Variants in MYPN observed in about 807,000 individuals in gnomAD.
MYPN encodes the protein myopalladin.
In MYPN, 63 loss-of-function variants were observed where a neutral mutation model predicts 129.4. The observed-to-expected ratio is 0.49, with a 90% CI of 0.40 to 0.60. The LOEUF (loss-of-function observed/expected upper bound fraction) is 0.60. Ranked by LOEUF, MYPN falls within the 20% of genes least tolerant of loss-of-function variation. MYPN has a pLI of 0.00. For synonymous variants in MYPN, 629 were observed against 600.9 expected (o/e 1.05, Z -0.68); for missense variants, 1,596 against 1,635.4 (o/e 0.98, Z 0.42).
chr10:68,174,507 C>A lies in MYPN; in HGVS notation c.2415C>A (p.Asn805Lys). The A allele has an allele frequency of 6.2e-7, 1 of 1,614,128 alleles. No homozygotes were observed. Among genetic ancestry groups the A allele is most frequent in the Non-Finnish European group, 8.5e-7 (1 of 1,179,996 alleles). The change falls in exon 11 of 20, where the codon AAC (asparagine) becomes AAA (lysine). Residue 805 changes from asparagine (N) to lysine (K), a missense_variant. Coordinates refer to ENST00000358913, the MANE Select transcript of MYPN (RefSeq NM_032578.4). ...TCACATTTTCCATCCCCAGCGGAAA[C>A]CAGTTTCAGCCCCGCTGTGTGTCCC... ...PPFTFSIPSG[N>K]QFQPRCVSPI...
chr10:68,201,610 A>T lies in MYPN; in HGVS notation c.3494-219A>T, dbSNP rs2490935. Among the ~76,000 whole-genome samples the T allele has an allele frequency of 1, 152,010 of 152,014 alleles. 76,003 individuals carry two copies. The highest frequency in any genetic ancestry group is 1 in the Middle Eastern group (294 of 294). ...GACGAAACCCCTATCTCTCCTAAAA[A>T]TACAAAAATTAGCCAGGCTTGGCGG... is the stretch of plus-strand genomic sequence containing the variant. On this transcript the variant is annotated intron_variant, in intron 17 of 19. Coordinates refer to ENST00000358913, the MANE Select transcript of MYPN (RefSeq NM_032578.4).
At chr10:68,205,066 G>T (rs1193823468) in intron 18 of MYPN, among the ~76,000 whole-genome samples, 1 of 152,128 alleles carries the variant, frequency 6.6e-6, no homozygotes, top group Non-Finnish European at 1.5e-5. Flanking sequence ...TCCCACCCTT[G>T]AATTGGCTAC....
Position 68,194,528 on chromosome 10 carries a change from T to C in MYPN, c.3075+16T>C. On this transcript the variant is annotated intron_variant, in intron 14 of 19. Coordinates refer to ENST00000358913, the MANE Select transcript of MYPN (RefSeq NM_032578.4). Reference sequence around the variant, plus strand: ...CAACCCCCAGGTGGAGACGCAGGGTTCTGCGCTGTGCTGCACTCTGAGGAA... The same window carrying C: ...CAACCCCCAGGTGGAGACGCAGGGTCCTGCGCTGTGCTGCACTCTGAGGAA... 6.2e-7 allele frequency: 1 copy of C among 1,612,990 alleles called. No individual in the cohort carries two copies. The highest frequency in any genetic ancestry group is 8.5e-7 in the Non-Finnish European group (1 of 1,179,474).
In MYPN at chr10:68,197,455, C is replaced by A. The variant is rs372824930; in HGVS notation, c.3262C>A (p.Arg1088Ser). ...APGDMVAHEG[R>S]LCRLDCKVSG... is the part of the protein sequence containing the mutation. ...TGGGGATATGGTAGCTCATGAGGGG[C>A]GCCTCTGTCGGCTGGACTGTAAGGT... Residue 1088 changes from arginine (R) to serine (S), a missense_variant, in exon 16 of 20, where the codon CGC (arginine) becomes AGC (serine). Coordinates refer to ENST00000358913, the MANE Select transcript of MYPN (RefSeq NM_032578.4). 1 of 1,613,854 alleles carries A rather than the reference C, an allele frequency of 6.2e-7. No homozygotes were observed. The highest frequency in any genetic ancestry group is 8.5e-7 in the Non-Finnish European group (1 of 1,179,876).
intron 2 of MYPN, chr10:68,136,388 T>C (rs750333487): frequency 9.2e-5 from 80 of 868,744 alleles, no homozygotes; most frequent in Admixed American, 2.8e-4. Flanking sequence ...GGATTTGGCG[T>C]TCTAAAAACA....
Position 68,122,255 on chromosome 10 carries a change from C to G in MYPN, c.817C>G (p.Gln273Glu), listed in dbSNP as rs773848180. ...EPLGQPPRFT[Q>E]KLRSREVPEG... ...TCTGGGGCAACCTCCCCGGTTCACT[C>G]AAAAGTTACGGAGCAGAGAAGTTCC... Residue 273 changes from glutamine to glutamate, a missense_variant, in exon 2 of 20, where the codon CAA becomes GAA. Transcript: ENST00000358913. The G allele has an allele frequency of 1.2e-6, 2 of 1,613,606 alleles. No individual in the cohort carries two copies. Among genetic ancestry groups the G allele is most frequent in the Non-Finnish European group, 1.7e-6 (2 of 1,179,792 alleles).
At position 68,194,409 on chromosome 10, in the gene MYPN, A is replaced by G. The variant is rs181021602; in HGVS notation, c.2972A>G (p.His991Arg). ...AAGCAGATTTCTAAGAGAAATGAGC[A>G]CTGCAAAATGAGGCGAGAAGGAGAT... The part of the protein sequence containing the change: ...DGKQISKRNE[H>R]CKMRREGDGT... The change falls in exon 14 of 20, where the codon CAC becomes CGC. Residue 991 changes from histidine to arginine, a missense_variant. By Grantham distance (29) the His-to-Arg change is conservative. Transcript: ENST00000358913. 17 of 1,613,812 alleles carry G rather than the reference A, an allele frequency of 1.1e-5. No homozygotes were observed. The highest frequency in any genetic ancestry group is 5.3e-5 in the African/African-American group (4 of 74,926).
At chr10:68,202,136 T>A in intron 18 of MYPN, 142 bp downstream of exon 18, 2 of 1,103,486 alleles carry the variant, frequency 1.8e-6, no homozygotes, top group Non-Finnish European at 2.7e-6. Flanking sequence ...TTGTGTGTAT[T>A]AAGAATGTAT....
chr10:68,141,056 G>A (rs1164614630), intron 2 of MYPN, among the ~76,000 whole-genome samples: 1 of 151,532 alleles, frequency 6.6e-6, no homozygotes, highest in Non-Finnish European at 1.5e-5. Flanking sequence ...GCAACAGAGT[G>A]AGACCCTTCC....
chr10:68,174,661 G>A lies in MYPN; in HGVS notation c.2564+5G>A, dbSNP rs1179912940. On this transcript the variant is annotated splice_donor_5th_base_variant and intron_variant, in intron 11 of 19. Coordinates refer to ENST00000358913, the MANE Select transcript of MYPN (RefSeq NM_032578.4). ...GCCTAGAAGTGCACCATCCATGTAA[G>A]TGTCATTGAGGTTTCTTGATGTAAG... 6.2e-7 allele frequency: 1 copy of A among 1,613,358 alleles called. No homozygotes were observed. The highest frequency in any genetic ancestry group is 1.1e-5 in the South Asian group (1 of 91,064).
intron 1 of MYPN, among the ~76,000 whole-genome samples, chr10:68,119,385 T>TTTTTTTTA (rs754608224): frequency 5.7e-4 from 83 of 144,768 alleles, no homozygotes; most frequent in African/African-American, 1.7e-3. Context: ...TTGCATTTTA[T>TTTTTTTTA]TTTATTTATT....
intron 1 of MYPN, among the ~76,000 whole-genome samples, chr10:68,112,446 C>T (rs1441106941): frequency 6.6e-6 from 1 of 152,108 alleles, no homozygotes; most frequent in East Asian, 1.9e-4. Context: ...CTTACTTTTA[C>T]CAATTCGATT....
intron 13 of MYPN, among the ~76,000 whole-genome samples, chr10:68,194,149 TATA>T (rs762284956): frequency 4.6e-5 from 7 of 152,024 alleles, no homozygotes; most frequent in Admixed American, 3.3e-4. Flanking sequence ...ACTTAAATAA[TATA>T]ATATTTAATA....
chr10:68,161,786 A>G, intron 8 of MYPN, 34 bp downstream of exon 8: 1 of 1,521,854 alleles, frequency 6.6e-7, no homozygotes, highest in Non-Finnish European at 9.1e-7. Flanking sequence ...TTATTAGTAT[A>G]TGAGTGATTT....
chr10:68,128,991 C>CCT (rs397769961), intron 2 of MYPN, among the ~76,000 whole-genome samples: 7 of 150,772 alleles, frequency 4.6e-5, no homozygotes, highest in African/African-American at 1.5e-4. Flanking sequence ...GATTCTCTCT[C>CCT]CTCTCTCTCT....
intron 17 of MYPN, 78 bp from the exon 18 acceptor site, chr10:68,201,751 A>G (rs1432965891): frequency 6.5e-7 from 1 of 1,541,178 alleles, no homozygotes. Context: ...ACCACACTCC[A>G]GCCTGGGTGA....
chr10:68,106,524 C>T (rs751882607), upstream of MYPN: 11 of 628,748 alleles, frequency 1.7e-5, no homozygotes, highest in South Asian at 1.7e-4. Context: ...CTCTGTTTTT[C>T]AAAAATACGG....
chr10:68,152,345 G>A (rs2042785699), intron 6 of MYPN, among the ~76,000 whole-genome samples: 1 of 152,126 alleles, frequency 6.6e-6, no homozygotes, highest in South Asian at 2.1e-4. Context: ...TTTCAGGTTA[G>A]CTTCAGAATG....
chr10:68,181,587 G>A (rs985711599), intron 12 of MYPN, among the ~76,000 whole-genome samples: 7 of 152,130 alleles, frequency 4.6e-5, no homozygotes, highest in African/African-American at 7.2e-5. Context: ...ACCATGCCCG[G>A]CCTAACTTCT....
Sources: gnomAD v4.1 joint callset for allele counts (sites outside exome capture counted in the v4.1 genomes callset) on GRCh38, gnomAD v4.1.1 for gene constraint, MANE v1.5 for transcripts, NCBI Gene and HGNC (gene_info 2026-07-23, HGNC 2026-07-21) for gene names.